EPB41: variants seen among roughly 807,000 people sequenced by gnomAD.
The protein encoded by EPB41 is erythrocyte membrane protein band 4.1.
A neutral mutation model predicts 108.0 loss-of-function variants in EPB41; 65 were observed. That is an observed-to-expected ratio of 0.60 (90% CI 0.49 to 0.74). EPB41 has a LOEUF of 0.74. Ranked by LOEUF, EPB41 falls within the 30% of genes least tolerant of loss-of-function variation. EPB41 has a pLI of 0.00. For missense variants in EPB41, 875 were observed against 1,037.0 expected (o/e 0.84, Z 2.15); for synonymous variants, 336 against 358.9 (o/e 0.94, Z 0.72).
intron 16 of EPB41, 115 bp downstream of exon 16, chr1:29,065,273 A>C: frequency 7.1e-7 from 1 of 1,418,290 alleles, no homozygotes; most frequent in Non-Finnish European, 9.2e-7. Context: ...TTGGTGCCTC[A>C]CTATATTCAT....
chr1:29,030,413 G>A lies in EPB41; in HGVS notation c.1138G>A (p.Ala380Thr), dbSNP rs2096773500. Residue 380 changes from alanine to threonine, a missense_variant, in exon 8 of 21, where the codon GCT becomes ACT. Ala to Thr is a moderately conservative substitution (Grantham distance 58, BLOSUM62 0). Transcript: ENST00000343067. ...ATTCTATCAAAGGTCCATGACTCCA[G>A]CTCAGGCTGACTTGGAGTTTCTTGA... ...LHKSYRSMTP[A>T]QADLEFLENA... 8.7e-6 allele frequency: 14 copies of A among 1,613,754 alleles called. No individual in the cohort carries two copies. The highest frequency in any genetic ancestry group is 2.2e-5 in the East Asian group (1 of 44,864).
chr1:28,979,158 ATAAGT>A (rs1427463926), intron 1 of EPB41, among the ~76,000 whole-genome samples: 2 of 151,616 alleles, frequency 1.3e-5, no homozygotes, highest in Admixed American at 6.6e-5. Flanking sequence ...AAAGGCTGTG[ATAAGT>A]TAAGTGTATG....
At chr1:29,087,716 T>C (rs1659667449) in intron 16 of EPB41, among the ~76,000 whole-genome samples, 1 of 152,216 alleles carries the variant, frequency 6.6e-6, no homozygotes, top group Non-Finnish European at 1.5e-5. Flanking sequence ...GGGTAATTTA[T>C]AACTCATAAA....
At chr1:28,974,243 G>A (rs1190493182) in intron 1 of EPB41, among the ~76,000 whole-genome samples, 2 of 152,186 alleles carry the variant, frequency 1.3e-5, no homozygotes, top group Non-Finnish European at 2.9e-5. Flanking sequence ...AATCCAGGAG[G>A]TCAGAGACTA....
intron 10 of EPB41, among the ~76,000 whole-genome samples, chr1:29,038,687 T>C (rs182231269): frequency 6.6e-6 from 1 of 152,276 alleles, no homozygotes; most frequent in African/African-American, 2.4e-5. Flanking sequence ...AGCATAGAAA[T>C]AGATTGTTTT....
chr1:28,936,453 T>G lies in EPB41; in HGVS notation c.-8+21685T>G, dbSNP rs142214630. Reference sequence around the variant, plus strand: ...ACATATAAAATTTACCATTTTCAAATGTACAATTCAGTGGTCTTTTAGTAT... The same window carrying G: ...ACATATAAAATTTACCATTTTCAAAGGTACAATTCAGTGGTCTTTTAGTAT... On this transcript the variant is annotated intron_variant, in intron 1 of 20. Coordinates refer to ENST00000343067, the MANE Select transcript of EPB41 (RefSeq NM_001376013.1). Among the ~76,000 whole-genome samples, 193 of 152,334 alleles carry G rather than the reference T, an allele frequency of 1.3e-3. 1 individual carries two copies. The highest frequency in any genetic ancestry group is 4.2e-3 in the African/African-American group (175 of 41,578).
chr1:28,970,391 T>G (rs755718172), intron 1 of EPB41, among the ~76,000 whole-genome samples: 16 of 152,202 alleles, frequency 1.1e-4, no homozygotes, highest in Non-Finnish European at 2.1e-4. Context: ...AAGTAAATAT[T>G]GTTAGATTGA....
chr1:29,045,735 G>T (rs1235605188), intron 11 of EPB41, among the ~76,000 whole-genome samples: 2 of 147,626 alleles, frequency 1.4e-5, no homozygotes. Flanking sequence ...TACTTTGGGA[G>T]GCCAAGGTGG....
chr1:29,014,219 AG>A (rs1458407504), intron 5 of EPB41, among the ~76,000 whole-genome samples: 2 of 152,054 alleles, frequency 1.3e-5, no homozygotes, highest in African/African-American at 2.4e-5. Flanking sequence ...GGGGAGGCTG[AG>A]GCAGGAGAAT....
In EPB41 at chr1:28,937,037, T is replaced by G. The variant is rs573679134; in HGVS notation, c.-8+22269T>G. ...ATTTTACATTCCTAAAGGCAGTGCATAAGGGTACCAATGTCTCTGCATCCT... is the reference window on the plus strand; with the variant it reads ...ATTTTACATTCCTAAAGGCAGTGCAGAAGGGTACCAATGTCTCTGCATCCT... On this transcript the variant is annotated intron_variant, in intron 1 of 20. Transcript: ENST00000343067. Among the ~76,000 whole-genome samples, 6 of 152,344 alleles carry G rather than the reference T, an allele frequency of 3.9e-5. No homozygotes were observed. The South Asian group carries it at 1.2e-3, about 32-fold the overall frequency.
At chr1:29,055,720 C>A (rs568244900) in intron 12 of EPB41, among the ~76,000 whole-genome samples, 1 of 150,772 alleles carries the variant, frequency 6.6e-6, no homozygotes, top group Non-Finnish European at 1.5e-5. Flanking sequence ...GAGGCCAGGA[C>A]GGGTGGATCA....
chr1:28,988,281 A>G (rs1168590195), intron 2 of EPB41, among the ~76,000 whole-genome samples: 1 of 152,206 alleles, frequency 6.6e-6, no homozygotes, highest in Non-Finnish European at 1.5e-5. Context: ...GGATAAAAAA[A>G]GTACTTGGTT....
intron 1 of EPB41, among the ~76,000 whole-genome samples, chr1:28,894,107 G>A (rs16837746): frequency 0.025 from 3,760 of 152,222 alleles, 175 homozygotes; most frequent in African/African-American, 0.086. Flanking sequence ...CATACAGGTG[G>A]GTGATTCTTT....
intron 17 of EPB41, among the ~76,000 whole-genome samples, chr1:29,106,442 T>C (rs1306132442): frequency 1.3e-5 from 2 of 151,988 alleles, no homozygotes; most frequent in African/African-American, 4.8e-5. Flanking sequence ...ATATTGCTTT[T>C]ATTTTTTATT....
intron 16 of EPB41, among the ~76,000 whole-genome samples, chr1:29,076,771 G>A (rs951271831): frequency 2.0e-5 from 3 of 152,124 alleles, no homozygotes; most frequent in Non-Finnish European, 4.4e-5. Flanking sequence ...GGCCAAGCAC[G>A]GTGGCTCATG....
Position 28,945,093 on chromosome 1 carries a change from G to GA in EPB41, c.-8+30340dup, listed in dbSNP as rs1224949262. 4.5e-3 allele frequency among the ~76,000 whole-genome samples: 430 copies of GA among 96,260 alleles called. 2 individuals carry two copies. Among genetic ancestry groups the GA allele is most frequent in the Non-Finnish European group, 6.6e-3 (272 of 41,496 alleles). 63.2% of individuals were successfully genotyped at this position (96,260 alleles called of 152,430 possible). A position where few individuals can be genotyped will look rare whatever the true frequency, so the allele number is the denominator to read the frequency against. The stretch of plus-strand genomic sequence containing the variant: ...AGAGTGAGATCGTGTCTCAAAAAAA[G>GA]AAAAAAAAAAAAAAAGAACCAGAAT... On this transcript the variant is annotated intron_variant, in intron 1 of 20. Coordinates refer to ENST00000343067, the MANE Select transcript of EPB41 (RefSeq NM_001376013.1).
chr1:28,946,880 A>G (rs1331900117), intron 1 of EPB41, among the ~76,000 whole-genome samples: 1 of 152,198 alleles, frequency 6.6e-6, no homozygotes, highest in Non-Finnish European at 1.5e-5. Flanking sequence ...AATATGTCAG[A>G]TGTTTTATGT....
intron 1 of EPB41, among the ~76,000 whole-genome samples, chr1:28,924,380 T>C (rs560533823): frequency 6.6e-6 from 1 of 152,304 alleles, no homozygotes; most frequent in South Asian, 2.1e-4. Flanking sequence ...AATAGAAGAA[T>C]TACCTGGGTG....
chr1:28,970,673 A>G (rs2095472401), intron 1 of EPB41, among the ~76,000 whole-genome samples: 1 of 152,234 alleles, frequency 6.6e-6, no homozygotes, highest in African/African-American at 2.4e-5. Context: ...TTGGAAAGAA[A>G]GAGAATAGTC....
Sources: gnomAD v4.1 joint callset for allele counts (sites outside exome capture counted in the v4.1 genomes callset) on GRCh38, gnomAD v4.1.1 for gene constraint, MANE v1.5 for transcripts, NCBI Gene and HGNC (gene_info 2026-07-23, HGNC 2026-07-21) for gene names.